Variants in SEPTIN7 observed in about 807,000 individuals in gnomAD.
The protein encoded by SEPTIN7 is septin 7.
In SEPTIN7, 10 loss-of-function variants were observed where a neutral mutation model predicts 63.3. That is an observed-to-expected ratio of 0.16 (90% CI 0.10 to 0.27). The LOEUF is 0.27. Among genes scored for constraint, SEPTIN7 ranks in the 10% least tolerant of loss-of-function variants. The probability of loss-of-function intolerance (pLI) is 1.00; values close to 1 mark genes in which losing one functional copy is unlikely to be tolerated. For missense variants in SEPTIN7, 310 were observed against 521.0 expected, an observed-to-expected ratio of 0.59 and a Z score of 3.94; for synonymous variants, 131 against 165.3, an observed-to-expected ratio of 0.79 and a Z score of 1.59.
At chr7:35,886,148 T>C (rs910185904) in intron 10 of SEPTIN7, among the ~76,000 whole-genome samples, 10 of 152,186 alleles carry the variant, frequency 6.6e-5, no homozygotes, top group African/African-American at 2.4e-4. Flanking sequence ...GAAATAACTA[T>C]GGAAAGTGAA....
intron 3 of SEPTIN7, among the ~76,000 whole-genome samples, chr7:35,857,897 G>GT (rs890243199): frequency 1.3e-5 from 2 of 152,008 alleles, no homozygotes; most frequent in Non-Finnish European, 2.9e-5. Flanking sequence ...GGGGGGTGGG[G>GT]TGGTGGCAAA....
intron 11 of SEPTIN7, among the ~76,000 whole-genome samples, chr7:35,894,464 TAGAA>T (rs1245926839): frequency 1.3e-5 from 2 of 152,162 alleles, no homozygotes; most frequent in East Asian, 3.8e-4. Flanking sequence ...TTGATCTAAA[TAGAA>T]ATAAAGACAA....
rs1292869132 is a variant in SEPTIN7, at chr7:35,881,579, T to G, written c.631-905T>G. Among the ~76,000 whole-genome samples the G allele has an allele frequency of 4.0e-5, 6 of 151,794 alleles. No homozygotes were observed. In the East Asian group the frequency reaches 1.2e-3, roughly 29 times the overall value. ...TATTTTTTTTCAGTGACAATTTTAC[T>G]TCTGTTTACTTCTGTCTACTATAGT... On this transcript the variant is annotated intron_variant, in intron 7 of 13. Transcript: ENST00000350320.
At chr7:35,912,513 CTG>C in the SEPTIN7 span, among the ~76,000 whole-genome samples, 5 of 152,324 alleles carry the variant, frequency 3.3e-5, no homozygotes, top group South Asian at 1.0e-3. Context: ...GCTCTCAGCT[CTG>C]AAGGCTGTGA....
chr7:35,849,380 G>T (rs539312787), intron 3 of SEPTIN7, among the ~76,000 whole-genome samples: 1 of 152,046 alleles, frequency 6.6e-6, no homozygotes, highest in African/African-American at 2.4e-5. Flanking sequence ...TAAGGAGGAC[G>T]CAACCTAGAT....
At chr7:35,877,947 T>C (rs555503517) in intron 6 of SEPTIN7, among the ~76,000 whole-genome samples, 6 of 152,316 alleles carry the variant, frequency 3.9e-5, no homozygotes, top group Non-Finnish European at 7.3e-5. Flanking sequence ...TTGGGCAAAA[T>C]CATCTAACAT....
At chr7:35,871,176 G>C (rs779246009) in intron 4 of SEPTIN7, among the ~76,000 whole-genome samples, 32 of 152,064 alleles carry the variant, frequency 2.1e-4, no homozygotes, top group Non-Finnish European at 4.3e-4. Context: ...GTTTATATCA[G>C]GATCAAAGCA....
At position 35,904,595 on chromosome 7, in the gene SEPTIN7, G is replaced by A. The variant is rs1788509657; in HGVS notation, c.*302G>A. 4.5e-6 allele frequency: 1 copy of A among 221,328 alleles called. No individual in the cohort carries two copies. Among genetic ancestry groups the A allele is most frequent in the Non-Finnish European group, 8.8e-6 (1 of 113,850 alleles). 13.7% of individuals were successfully genotyped at this position (221,328 alleles called of 1,614,324 possible). A position where few individuals can be genotyped will look rare whatever the true frequency, so the allele number is the denominator to read the frequency against. On this transcript the variant is annotated 3_prime_UTR_variant, in exon 14 of 14. Coordinates refer to ENST00000350320, the MANE Select transcript of SEPTIN7 (RefSeq NM_001788.6). ...TTTACTGTTGTACAATCATGTTCTG[G>A]TGGTTTGATTGTTTACAGGATATTC...
At chr7:35,868,575 G>T (rs778657294) in intron 4 of SEPTIN7, among the ~76,000 whole-genome samples, 5 of 152,118 alleles carry the variant, frequency 3.3e-5, no homozygotes, top group Non-Finnish European at 7.4e-5. Flanking sequence ...GTTGAGAAGT[G>T]AGTGGTGAGT....
At chr7:35,877,346 T>C (rs1404525399) in intron 6 of SEPTIN7, among the ~76,000 whole-genome samples, 1 of 152,200 alleles carries the variant, frequency 6.6e-6, no homozygotes, top group East Asian at 1.9e-4. Context: ...TCTCTGTCTT[T>C]CTGCCTGTCA....
downstream of SEPTIN7, among the ~76,000 whole-genome samples, chr7:35,909,110 A>G (rs1007667622): frequency 2.0e-5 from 3 of 152,192 alleles, no homozygotes; most frequent in African/African-American, 7.2e-5. Context: ...GTGGGACATA[A>G]TAGGAGCTGT....
At chr7:35,885,920 T>C (rs776963408) in intron 10 of SEPTIN7, 41 bp downstream of exon 10, 29 of 1,409,854 alleles carry the variant, frequency 2.1e-5, no homozygotes, top group Non-Finnish European at 2.9e-5. Flanking sequence ...AGATTTTCTT[T>C]CCCTAAGTAA....
At chr7:35,911,056 A>G (rs1022893329), downstream of SEPTIN7, among the ~76,000 whole-genome samples, 92 of 152,192 alleles carry the variant, frequency 6.0e-4, no homozygotes, top group African/African-American at 2.1e-3. Flanking sequence ...CCATGTCAAG[A>G]CTGATGCTGA....
chr7:35,884,868 G>T (rs1246993139), intron 9 of SEPTIN7, among the ~76,000 whole-genome samples: 1 of 152,068 alleles, frequency 6.6e-6, no homozygotes, highest in East Asian at 1.9e-4. Context: ...TAAAATCTTA[G>T]TTATAACACC....
At chr7:35,837,330 T>G (rs955858936) in intron 3 of SEPTIN7, among the ~76,000 whole-genome samples, 1 of 152,196 alleles carries the variant, frequency 6.6e-6, no homozygotes, top group Non-Finnish European at 1.5e-5. Flanking sequence ...TCTTGTGATA[T>G]CGTACGTTCT....
intron 1 of SEPTIN7, among the ~76,000 whole-genome samples, chr7:35,825,942 A>G (rs1416628796): frequency 6.6e-6 from 1 of 152,142 alleles, no homozygotes; most frequent in Non-Finnish European, 1.5e-5. Flanking sequence ...AGTTGTTCAT[A>G]TCAGTAAAAA....
At chr7:35,849,327 G>C (rs1378253186) in intron 3 of SEPTIN7, among the ~76,000 whole-genome samples, 1 of 152,096 alleles carries the variant, frequency 6.6e-6, no homozygotes, top group African/African-American at 2.4e-5. Flanking sequence ...AGGGGAGCAG[G>C]ATGGTTTCGG....
chr7:35,900,292 G>A (rs1788239473), intron 12 of SEPTIN7: 1 of 152,258 alleles, frequency 6.6e-6, no homozygotes, highest in South Asian at 2.1e-4. Context: ...CAGGGGTATG[G>A]AATAATTCCT....
intron 11 of SEPTIN7, among the ~76,000 whole-genome samples, chr7:35,893,496 TCG>T (rs1287483926): frequency 6.6e-6 from 1 of 152,158 alleles, no homozygotes; most frequent in East Asian, 1.9e-4. Context: ...TCCCATAATA[TCG>T]TGTGTCTATA....
Sources: gnomAD v4.1 joint callset for allele counts (sites outside exome capture counted in the v4.1 genomes callset) on GRCh38, gnomAD v4.1.1 for gene constraint, MANE v1.5 for transcripts, NCBI Gene and HGNC (gene_info 2026-07-23, HGNC 2026-07-21) for gene names.